IGF2R: variants seen among roughly 807,000 people sequenced by gnomAD.
IGF2R encodes the protein cation-independent mannose-6-phosphate receptor.
A neutral mutation model predicts 270.6 loss-of-function variants in IGF2R; 91 were observed. That is an observed-to-expected ratio of 0.34 (90% CI 0.28 to 0.40). IGF2R has a LOEUF of 0.40. Ranked by LOEUF, IGF2R falls within the 10% of genes least tolerant of loss-of-function variation. IGF2R has a pLI of 1.00. For missense variants in IGF2R, 2,805 were observed against 3,188.3 expected (o/e 0.88, Z 2.90); for synonymous variants, 1,316 against 1,258.9 (o/e 1.05, Z -0.96).
At chr6:160,029,244 T>A (rs1777637441) in intron 6 of IGF2R, among the ~76,000 whole-genome samples, 1 of 152,240 alleles carries the variant, frequency 6.6e-6, no homozygotes, top group South Asian at 2.1e-4. Context: ...TCTCCCAGAA[T>A]GCTGGGATTA....
At chr6:160,007,300 G>T (rs1377357541) in intron 2 of IGF2R, 1 of 152,226 alleles carries the variant, frequency 6.6e-6, no homozygotes, top group African/African-American at 2.4e-5. Flanking sequence ...AGGACATAAT[G>T]TCCTGCTGAC....
chr6:160,061,802 G>T lies in IGF2R; in HGVS notation c.3456G>T (p.Leu1152=), dbSNP rs1222703792. ...CLVSEGNSWN[L]GVVQMSPQAA... ...TGTCAGAAGGCAATAGCTGGAATCT[G>T]GGTGTGGTGCAGATGAGTCCCCAAG... The change falls in exon 25 of 48, where the codon CTG becomes CTT. Residue 1152 remains leucine, a synonymous_variant. Transcript: ENST00000356956. 1 of 1,614,194 alleles carries T rather than the reference G, an allele frequency of 6.2e-7. No homozygotes were observed. Among genetic ancestry groups the T allele is most frequent in the Non-Finnish European group, 8.5e-7 (1 of 1,180,040 alleles).
intron 21 of IGF2R, among the ~76,000 whole-genome samples, chr6:160,058,671 G>A (rs757313097): frequency 6.6e-6 from 1 of 152,060 alleles, no homozygotes; most frequent in Non-Finnish European, 1.5e-5. Context: ...TATAGATACG[G>A]GGATGTATGA....
intron 11 of IGF2R, among the ~76,000 whole-genome samples, chr6:160,042,435 C>A (rs564367122): frequency 6.6e-6 from 1 of 152,320 alleles, no homozygotes; most frequent in Admixed American, 6.5e-5. Context: ...ATCTTTACCT[C>A]CTCCTTGACA....
At chr6:159,976,302 A>G (rs914366166) in intron 1 of IGF2R, among the ~76,000 whole-genome samples, 1 of 152,164 alleles carries the variant, frequency 6.6e-6, no homozygotes, top group Non-Finnish European at 1.5e-5. Context: ...ATATTTAATA[A>G]GTAGCATGCT....
intron 1 of IGF2R, among the ~76,000 whole-genome samples, chr6:159,979,914 C>T (rs1405108325): frequency 6.6e-5 from 10 of 152,046 alleles, no homozygotes; most frequent in Non-Finnish European, 8.8e-5. Context: ...GCACATGGGC[C>T]GGTGCTGTGG....
At chr6:159,975,555 C>G (rs1783678000) in intron 1 of IGF2R, among the ~76,000 whole-genome samples, 1 of 151,338 alleles carries the variant, frequency 6.6e-6, no homozygotes, top group Non-Finnish European at 1.5e-5. Flanking sequence ...GAAGGAGGGG[C>G]AGGTGGAGAG....
intron 4 of IGF2R, among the ~76,000 whole-genome samples, chr6:160,011,437 A>G (rs939749638): frequency 2.0e-5 from 3 of 151,944 alleles, no homozygotes; most frequent in Non-Finnish European, 4.4e-5. Context: ...ATATATATCT[A>G]TATACATACA....
intron 32 of IGF2R, 33 bp from the exon 33 acceptor site, chr6:160,072,732 G>A: frequency 5.0e-6 from 8 of 1,613,956 alleles, no homozygotes; most frequent in South Asian, 1.1e-5. Flanking sequence ...GCTCCCTGGA[G>A]TCACTGTGTC....
In IGF2R at chr6:160,061,761, G is replaced by A. The variant is rs1451408948; in HGVS notation, c.3415G>A (p.Val1139Met). 4 of 1,614,074 alleles carry A rather than the reference G, an allele frequency of 2.5e-6. No homozygotes were observed. The highest frequency in any genetic ancestry group is 2.2e-5 in the East Asian group (1 of 44,898). The stretch of plus-strand genomic sequence containing the variant: ...TTATTCTGTTCTTCCAGGCAGCGCA[G>A]TGGGGTCTTGCTTAGTGTCAGAAGG... ...PYIPGCQGSA[V>M]GSCLVSEGNS... Residue 1139 changes from valine (V) to methionine (M), a missense_variant, in exon 25 of 48, where the codon GTG (valine) becomes ATG (methionine). Val to Met is a conservative substitution (Grantham distance 21). Transcript: ENST00000356956.
intron 18 of IGF2R, among the ~76,000 whole-genome samples, chr6:160,049,332 C>T (rs1021079641): frequency 1.3e-5 from 2 of 152,156 alleles, no homozygotes; most frequent in African/African-American, 2.4e-5. Context: ...AATCACCACG[C>T]GGAACACTTT....
chr6:160,047,050 TG>T, intron 15 of IGF2R, 108 bp from the exon 16 acceptor site: 2 of 992,896 alleles, frequency 2.0e-6, no homozygotes, highest in Non-Finnish European at 3.1e-6. Flanking sequence ...AGCCCGGGCC[TG>T]GTTCTGGTGA....
intron 2 of IGF2R, among the ~76,000 whole-genome samples, chr6:159,992,895 G>A (rs879448671): frequency 9.2e-5 from 14 of 152,052 alleles, no homozygotes; most frequent in Admixed American, 5.2e-4. Context: ...AAGCATTCCC[G>A]TTTTTCTACG....
At chr6:160,080,961 C>CAA (rs35843483) in intron 39 of IGF2R, among the ~76,000 whole-genome samples, 2 of 137,414 alleles carry the variant, frequency 1.5e-5, no homozygotes, top group South Asian at 2.4e-4. Context: ...ACTAAAAATA[C>CAA]AAAAAAAAAA....
chr6:160,051,804 A>C (rs1778202995), intron 19 of IGF2R, among the ~76,000 whole-genome samples: 1 of 151,998 alleles, frequency 6.6e-6, no homozygotes, highest in East Asian at 1.9e-4. Flanking sequence ...AAAAAATTTA[A>C]AAAAAAATTT....
intron 3 of IGF2R, among the ~76,000 whole-genome samples, chr6:160,009,419 CA>C (rs1784298931): frequency 6.6e-6 from 1 of 152,164 alleles, no homozygotes; most frequent in African/African-American, 2.4e-5. Context: ...AAGTTATAGG[CA>C]TACTTTTTTT....
intron 4 of IGF2R, among the ~76,000 whole-genome samples, chr6:160,022,467 T>C (rs1170483016): frequency 1.3e-5 from 2 of 152,220 alleles, no homozygotes; most frequent in Non-Finnish European, 2.9e-5. Flanking sequence ...TCTTGATGTT[T>C]TTTAAAATAA....
At chr6:160,038,318 AG>A (rs1298589912) in intron 10 of IGF2R, among the ~76,000 whole-genome samples, 1 of 152,232 alleles carries the variant, frequency 6.6e-6, no homozygotes, top group Non-Finnish European at 1.5e-5. Context: ...GTCAAAGCCC[AG>A]TATGCTTAAA....
intron 44 of IGF2R, chr6:160,094,332 G>T: frequency 7.7e-6 from 2 of 260,988 alleles, no homozygotes; most frequent in Non-Finnish European, 1.5e-5. Flanking sequence ...GAACAAGCCA[G>T]CAAAGCTCTT....
Sources: gnomAD v4.1 joint callset for allele counts (sites outside exome capture counted in the v4.1 genomes callset) on GRCh38, gnomAD v4.1.1 for gene constraint, MANE v1.5 for transcripts, NCBI Gene and HGNC (gene_info 2026-07-23, HGNC 2026-07-21) for gene names.